Variants in FHIT observed in about 807,000 individuals in gnomAD.
FHIT encodes the protein fragile histidine triad diadenosine triphosphatase, also known as bis(5'-adenosyl)-triphosphatase.
Under a neutral mutation model 17.9 loss-of-function variants are expected in FHIT, and 19 were observed. The observed-to-expected ratio is 1.06, with a 90% CI of 0.74 to 1.56. The LOEUF is 1.56. Ranked by LOEUF, FHIT falls within the 40% of genes most tolerant of loss-of-function variation. The probability of loss-of-function intolerance (pLI) is 0.00; values close to 1 mark genes in which losing one functional copy is unlikely to be tolerated. For synonymous variants in FHIT, 81 were observed against 69.7 expected (o/e 1.16, Z -0.81); for missense variants, 248 against 189.2 (o/e 1.31, Z -1.82).
At position 59,806,166 on chromosome 3, in the gene FHIT, G is replaced by A. The variant is rs185374637; in HGVS notation, c.349-53845C>T. On this transcript the variant is annotated intron_variant, in intron 8 of 9. Coordinates refer to ENST00000492590, the MANE Select transcript of FHIT (RefSeq NM_002012.4). ...GCTGCACTCCAGCCTGGGAGACAGC[G>A]AGAATCTGTCTCAAAAAAAAAAAAA... 3.2e-4 allele frequency among the ~76,000 whole-genome samples: 47 copies of A among 147,716 alleles called. No individual in the cohort carries two copies. The East Asian group carries it at 5.3e-3, about 17-fold the overall frequency.
At chr3:59,852,670 C>T (rs996696451) in intron 8 of FHIT, among the ~76,000 whole-genome samples, 1 of 152,062 alleles carries the variant, frequency 6.6e-6, no homozygotes, top group Admixed American at 6.6e-5. Flanking sequence ...CTCTGTGATC[C>T]GCCTATTCAT....
intron 5 of FHIT, among the ~76,000 whole-genome samples, chr3:60,243,453 G>A (rs1278953607): frequency 6.6e-6 from 1 of 152,104 alleles, no homozygotes; most frequent in Non-Finnish European, 1.5e-5. Flanking sequence ...GAGAGGCGAT[G>A]GGGAGAGCTT....
intron 4 of FHIT, among the ~76,000 whole-genome samples, chr3:60,701,119 G>C (rs1347225651): frequency 7.0e-6 from 1 of 142,728 alleles, no homozygotes; most frequent in Non-Finnish European, 1.5e-5. Flanking sequence ...GAACTGAAAA[G>C]ACCCTTTTTT....
At chr3:60,069,243 A>C (rs1702654497) in intron 5 of FHIT, among the ~76,000 whole-genome samples, 2 of 151,624 alleles carry the variant, frequency 1.3e-5, no homozygotes, top group Non-Finnish European at 2.9e-5. Flanking sequence ...TATTTTATAT[A>C]TTGTAATTTG....
intron 5 of FHIT, among the ~76,000 whole-genome samples, chr3:60,081,222 TG>T (rs1703269445): frequency 6.6e-6 from 1 of 152,148 alleles, no homozygotes; most frequent in African/African-American, 2.4e-5. Context: ...TGAGCCTGAA[TG>T]TCTGTGGCTG....
At chr3:60,720,310 C>T (rs2041780912) in intron 4 of FHIT, among the ~76,000 whole-genome samples, 1 of 152,138 alleles carries the variant, frequency 6.6e-6, no homozygotes, top group Admixed American at 6.5e-5. Context: ...GAAAGCTTTC[C>T]CTGAACCTCC....
chr3:61,162,442 T>G (rs1189274896), intron 2 of FHIT, among the ~76,000 whole-genome samples: 1 of 152,254 alleles, frequency 6.6e-6, no homozygotes, highest in Non-Finnish European at 1.5e-5. Flanking sequence ...GATATTTTAC[T>G]CAACATGGTG....
chr3:60,668,588 A>G (rs1165553302), intron 4 of FHIT, among the ~76,000 whole-genome samples: 1 of 118,526 alleles, frequency 8.4e-6, no homozygotes, highest in Non-Finnish European at 1.6e-5. Context: ...TTGAGACGGA[A>G]TCTCGCTCTG....
intron 9 of FHIT, chr3:59,751,395 T>C (rs1336089122): frequency 1.1e-5 from 2 of 189,326 alleles, no homozygotes; most frequent in Non-Finnish European, 2.2e-5. Flanking sequence ...CATGAGCCAC[T>C]GTACCTGGCC....
chr3:60,459,220 A>G (rs2107402418), intron 5 of FHIT, among the ~76,000 whole-genome samples: 1 of 152,358 alleles, frequency 6.6e-6, no homozygotes, highest in South Asian at 2.1e-4. Flanking sequence ...CTAGTGAATT[A>G]GTATATTTTA....
intron 7 of FHIT, among the ~76,000 whole-genome samples, chr3:60,007,364 T>C (rs562841241): frequency 3.3e-5 from 5 of 152,310 alleles, no homozygotes; most frequent in African/African-American, 1.2e-4. Flanking sequence ...AGACTTTTGA[T>C]AGAGATTCCA....
At chr3:61,078,320 A>C (rs1375306049) in intron 2 of FHIT, among the ~76,000 whole-genome samples, 1 of 152,186 alleles carries the variant, frequency 6.6e-6, no homozygotes, top group Non-Finnish European at 1.5e-5. Flanking sequence ...CAAGAGAGGC[A>C]GGAAGTCTCA....
At chr3:60,441,799 TATATA>T (rs2030895604) in intron 5 of FHIT, among the ~76,000 whole-genome samples, 3 of 118,658 alleles carry the variant, frequency 2.5e-5, no homozygotes, top group Admixed American at 9.7e-5. Context: ...TATATATATA[TATATA>T]TATATATATA....
intron 7 of FHIT, among the ~76,000 whole-genome samples, chr3:59,934,654 C>T (rs1025989440): frequency 4.6e-5 from 7 of 152,136 alleles, no homozygotes; most frequent in African/African-American, 1.7e-4. Flanking sequence ...ACAGTTCCAC[C>T]TGGCTAGGGA....
chr3:61,242,617 C>G (rs911771130), intron 1 of FHIT, among the ~76,000 whole-genome samples: 3 of 152,112 alleles, frequency 2.0e-5, no homozygotes, highest in Non-Finnish European at 4.4e-5. Context: ...TCATGCAGAG[C>G]CGGCTGAACA....
At chr3:61,081,537 C>T (rs1163629893) in intron 2 of FHIT, among the ~76,000 whole-genome samples, 1 of 152,154 alleles carries the variant, frequency 6.6e-6, no homozygotes, top group East Asian at 1.9e-4. Flanking sequence ...TTTGATGGTC[C>T]ATGTTAAACT....
intron 4 of FHIT, among the ~76,000 whole-genome samples, chr3:60,715,688 G>GCCA (rs2041665818): frequency 6.6e-6 from 1 of 151,110 alleles, no homozygotes; most frequent in Non-Finnish European, 1.5e-5. Flanking sequence ...GAGTTAATGG[G>GCCA]TGCAGCACAC....
chr3:60,204,677 G>C (rs1703089112), intron 5 of FHIT, among the ~76,000 whole-genome samples: 1 of 152,010 alleles, frequency 6.6e-6, no homozygotes, highest in African/African-American at 2.4e-5. Flanking sequence ...GAAAATGTTA[G>C]AGAAAACAAT....
intron 3 of FHIT, among the ~76,000 whole-genome samples, chr3:60,936,374 CATATTTTGG>C (rs1553773074): frequency 6.6e-6 from 1 of 152,140 alleles, no homozygotes; most frequent in Non-Finnish European, 1.5e-5. Context: ...AACATGTTGT[CATATTTTGG>C]CTAACATTTG....
Sources: gnomAD v4.1 joint callset for allele counts (sites outside exome capture counted in the v4.1 genomes callset) on GRCh38, gnomAD v4.1.1 for gene constraint, MANE v1.5 for transcripts, NCBI Gene and HGNC (gene_info 2026-07-23, HGNC 2026-07-21) for gene names.